ZMAT1: variants seen among roughly 807,000 people sequenced by gnomAD.
ZMAT1 encodes zinc finger matrin-type 1.
In ZMAT1, 11 loss-of-function variants were observed where a neutral mutation model predicts 18.5. That is an observed-to-expected ratio of 0.59 (90% CI 0.37 to 0.98). ZMAT1 has a LOEUF of 0.98. Among genes scored for constraint, ZMAT1 ranks in the 50% least tolerant of loss-of-function variants. The pLI, the probability that ZMAT1 is intolerant of heterozygous loss-of-function variation, is 0.01. For missense variants in ZMAT1, 525 were observed against 496.2 expected, an observed-to-expected ratio of 1.06 and a Z score of -0.55; for synonymous variants, 211 against 176.4, an observed-to-expected ratio of 1.20 and a Z score of -1.55.
At chrX:101,914,110 A>C (rs1160534278) in intron 1 of ZMAT1, among the ~76,000 whole-genome samples, 1 of 111,691 alleles carries the variant, frequency 9.0e-6, no homozygotes, top group East Asian at 2.8e-4. Context: ...CAATGAAGAA[A>C]TTAAGAAGGA....
chrX:101,911,699 G>T (rs1348018048), intron 1 of ZMAT1: 1 of 1,205,625 alleles, frequency 8.3e-7, no homozygotes, highest in Non-Finnish European at 1.1e-6. Flanking sequence ...CAGCCAGCTT[G>T]CTCCCCTCAT....
At chrX:101,916,842 C>T (rs967568378) in intron 1 of ZMAT1, among the ~76,000 whole-genome samples, 1 of 111,672 alleles carries the variant, frequency 9.0e-6, no homozygotes, top group Non-Finnish European at 1.9e-5. Context: ...TAAAAGCAGA[C>T]ACATAGACCA....
At position 101,883,382 on chromosome X, in the gene ZMAT1, A is replaced by C. The variant is rs1479843902; in HGVS notation, c.*128T>G. On this transcript the variant is annotated 3_prime_UTR_variant, in exon 6 of 6. Transcript: ENST00000651725. ...CAATTTAAATTTTTATACAAAAAAA[A>C]CCTAAGTGTCCTGAAGTGACACTGA... 1.8e-5 allele frequency: 8 copies of C among 435,611 alleles called. No individual in the cohort carries two copies. In the South Asian group the frequency reaches 3.1e-4, roughly 17 times the overall value. 35.9% of individuals were successfully genotyped at this position (435,611 alleles called of 1,213,427 possible). A position where few individuals can be genotyped will look rare whatever the true frequency, so the allele number is the denominator to read the frequency against.
rs6616315 is a variant in ZMAT1, at chrX:101,897,354, G to T, written c.676+514C>A. ...GGGACTGTTGTGGGGTGGGGGGAGG[G>T]GGGAGGGATAGTATTGGGAGATATA... is the stretch of plus-strand genomic sequence containing the variant. On this transcript the variant is annotated intron_variant, in intron 4 of 5. Coordinates refer to ENST00000651725, the MANE Select transcript of ZMAT1 (RefSeq NM_001394560.1). Among the ~76,000 whole-genome samples the T allele has an allele frequency of 1.4e-4, 9 of 64,801 alleles. No individual in the cohort carries two copies. The East Asian group carries it at 5.9e-3, about 43-fold the overall frequency. The allele number at this position is 64,801 out of a possible 115,157, so 56.3% of individuals were successfully genotyped here. A position where few individuals can be genotyped will look rare whatever the true frequency, so the allele number is the denominator to read the frequency against.
chrX:101,887,291 C>G, intron 4 of ZMAT1: 1 of 751,384 alleles, frequency 1.3e-6, no homozygotes, highest in Non-Finnish European at 1.6e-6. Flanking sequence ...AGGATAAAAG[C>G]TGAAAGCAAA....
chrX:101,886,710 A>G lies in ZMAT1; in HGVS notation c.698T>C (p.Val233Ala). 5.0e-6 allele frequency: 6 copies of G among 1,199,148 alleles called. No homozygotes were observed. Among genetic ancestry groups the G allele is most frequent in the Non-Finnish European group, 6.8e-6 (6 of 886,414 alleles). Residue 233 changes from valine (V) to alanine (A), a missense_variant, in exon 5 of 6, where the codon GTT becomes GCT. Coordinates refer to ENST00000651725, the MANE Select transcript of ZMAT1 (RefSeq NM_001394560.1). ...PEMAFSMRTY[V>A]CHICSIAFTS... ...AAAAGCAATACTACAAATATGGCAAACATAGGTTCTCATACTAAATGCTGA... is the reference window on the plus strand; with the variant it reads ...AAAAGCAATACTACAAATATGGCAAGCATAGGTTCTCATACTAAATGCTGA...
intron 2 of ZMAT1, among the ~76,000 whole-genome samples, chrX:101,903,772 T>TA (rs1280873152): frequency 8.9e-6 from 1 of 112,320 alleles, no homozygotes; most frequent in Non-Finnish European, 1.9e-5. Flanking sequence ...ATTTTAGCTC[T>TA]AGGATTCTAC....
rs377057998 is a variant in ZMAT1 at position 101,883,301 on chromosome X, T to C, written c.*209A>G. 2.4e-5 allele frequency: 6 copies of C among 251,208 alleles called. No individual in the cohort carries two copies. Among genetic ancestry groups the C allele is most frequent in the Non-Finnish European group, 6.5e-6 (1 of 154,305 alleles). The allele number at this position is 251,208 out of a possible 1,213,427, so 20.7% of individuals were successfully genotyped here. Reference sequence around the variant, plus strand: ...CTTTTCTCTTATGTTCTCCTTGAGTTCTTATGTTCTTTTCTCAGAGGTTAA... The same window carrying C: ...CTTTTCTCTTATGTTCTCCTTGAGTCCTTATGTTCTTTTCTCAGAGGTTAA... On this transcript the variant is annotated 3_prime_UTR_variant, in exon 6 of 6. Transcript: ENST00000651725.
chrX:101,900,456 T>A (rs944150872), intron 2 of ZMAT1, among the ~76,000 whole-genome samples: 1 of 112,115 alleles, frequency 8.9e-6, no homozygotes, highest in African/African-American at 3.2e-5. Flanking sequence ...AAGTGTTTAA[T>A]CCATGTTGAG....
At chrX:101,927,935 C>T (rs1051389302) in intron 1 of ZMAT1, among the ~76,000 whole-genome samples, 16 of 112,171 alleles carry the variant, frequency 1.4e-4, no homozygotes, top group Non-Finnish European at 2.8e-4. Context: ...GAGAGGATCA[C>T]AAACGAACAA....
Position 101,898,184 on chromosome X carries a change from G to T in ZMAT1, c.436C>A (p.Gln146Lys). Reference protein sequence around the residue: ...KHAQNVSFYFQMHGEQNEVPG... With the variant: ...KHAQNVSFYFKMHGEQNEVPG... ...ACTTCATTTTGTTCCCCATGCATTT[G>T]AAAATAAAAACTAACATTTTGAGCA... Residue 146 changes from glutamine to lysine, a missense_variant, in exon 3 of 6, where the codon CAA (glutamine) becomes AAA (lysine). Transcript: ENST00000651725. 1.7e-6 allele frequency: 2 copies of T among 1,209,995 alleles called. No individual in the cohort carries two copies. Among genetic ancestry groups the T allele is most frequent in the Non-Finnish European group, 2.2e-6 (2 of 894,547 alleles).
chrX:101,902,031 T>G (rs1289681745), intron 2 of ZMAT1, among the ~76,000 whole-genome samples: 1 of 112,339 alleles, frequency 8.9e-6, no homozygotes, highest in Non-Finnish European at 1.9e-5. Flanking sequence ...GTGGAATTCT[T>G]GGCCTATAAG....
At position 101,883,206 on chromosome X, in the gene ZMAT1, C is replaced by T. The variant is rs1926604336; in HGVS notation, c.*304G>A. 1 of 174,299 alleles carries T rather than the reference C, an allele frequency of 5.7e-6. No homozygotes were observed. The highest frequency in any genetic ancestry group is 1.1e-5 in the Non-Finnish European group (1 of 94,189). 14.4% of individuals were successfully genotyped at this position (174,299 alleles called of 1,213,427 possible). A position where few individuals can be genotyped will look rare whatever the true frequency, so the allele number is the denominator to read the frequency against. Reference sequence around the variant, plus strand: ...TCAATTAATCCTTGGGCAAACAAAACTAAAAGTTCAATACCCAAGAATAGA... The same window carrying T: ...TCAATTAATCCTTGGGCAAACAAAATTAAAAGTTCAATACCCAAGAATAGA... On this transcript the variant is annotated 3_prime_UTR_variant, in exon 6 of 6. Transcript: ENST00000651725.
intron 1 of ZMAT1, among the ~76,000 whole-genome samples, chrX:101,920,041 CA>C (rs1387197966): frequency 3.9e-5 from 1 of 25,516 alleles, no homozygotes; most frequent in Non-Finnish European, 6.8e-5. Context: ...AGATTTATTA[CA>C]CTTTTTTTTT....
intron 1 of ZMAT1, among the ~76,000 whole-genome samples, chrX:101,917,195 T>A (rs1421791270): frequency 9.0e-6 from 1 of 111,554 alleles, no homozygotes; most frequent in African/African-American, 3.3e-5. Context: ...TGGGATCATA[T>A]CAAGTTAAAA....
At chrX:101,923,288 T>A (rs1263624779) in intron 1 of ZMAT1, among the ~76,000 whole-genome samples, 1 of 112,282 alleles carries the variant, frequency 8.9e-6, no homozygotes, top group Non-Finnish European at 1.9e-5. Context: ...AGAGACTGCA[T>A]TAGTTTTCAC....
chrX:101,889,941 AG>A (rs1002017522), intron 4 of ZMAT1: 1 of 112,534 alleles, frequency 8.9e-6, no homozygotes, highest in Non-Finnish European at 1.9e-5. Context: ...AAAGAAAAAC[AG>A]AAAATGTCCA....
chrX:101,911,832 G>A (rs1353928294), intron 1 of ZMAT1: 13 of 1,203,912 alleles, frequency 1.1e-5, no homozygotes, highest in South Asian at 5.3e-5. Flanking sequence ...AAGCCCTATC[G>A]GTGCAATGAG....
intron 1 of ZMAT1, among the ~76,000 whole-genome samples, chrX:101,919,186 T>G (rs1265670199): frequency 3.6e-5 from 4 of 111,797 alleles, no homozygotes; most frequent in African/African-American, 1.3e-4. Context: ...CCTCAGTGTC[T>G]TGGGTATCAT....
Sources: allele counts gnomAD v4.1 joint callset (sites outside exome capture counted in the v4.1 genomes callset), GRCh38; gene constraint gnomAD v4.1.1; transcripts MANE v1.5; gene names NCBI Gene and HGNC (gene_info 2026-07-23, HGNC 2026-07-21).